Variants in DPP10 observed in about 807,000 individuals in gnomAD.
DPP10 encodes dipeptidyl peptidase like 10.
A neutral mutation model predicts 120.9 loss-of-function variants in DPP10; 33 were observed. The ratio of observed to expected loss-of-function variants is 0.27; its 90% confidence interval spans 0.21 to 0.37. The LOEUF (loss-of-function observed/expected upper bound fraction) is 0.37, where lower values mean the gene tolerates loss of function less well. Ranked by LOEUF, DPP10 falls within the 10% of genes least tolerant of loss-of-function variation. The probability of loss-of-function intolerance (pLI) is 1.00; values close to 1 mark genes in which losing one functional copy is unlikely to be tolerated. For missense variants in DPP10, 816 were observed against 942.8 expected (o/e 0.87, Z 1.76); for synonymous variants, 337 against 326.1 (o/e 1.03, Z -0.36).
intron 1 of DPP10, among the ~76,000 whole-genome samples, chr2:114,561,583 C>T (rs1019308920): frequency 1.3e-5 from 2 of 151,896 alleles, no homozygotes; most frequent in Admixed American, 6.6e-5. Flanking sequence ...TTAGAAAGAG[C>T]TTTGCGGTTT....
chr2:115,620,241 A>G (rs1868326), intron 5 of DPP10, among the ~76,000 whole-genome samples: 150,343 of 152,258 alleles, frequency 0.99, 74,259 homozygotes, highest in East Asian at 1. Context: ...TACACTTTTT[A>G]CACACACGCC....
intron 1 of DPP10, among the ~76,000 whole-genome samples, chr2:114,962,406 G>A (rs554888698): frequency 3.9e-5 from 6 of 152,124 alleles, no homozygotes; most frequent in African/African-American, 1.4e-4. Context: ...TCTCTCATGG[G>A]CATCGGGCAA....
intron 3 of DPP10, among the ~76,000 whole-genome samples, chr2:115,475,672 C>T (rs2075029958): frequency 6.6e-6 from 1 of 152,152 alleles, no homozygotes. Context: ...CAACGCCAGC[C>T]CATGAGAACA....
chr2:114,727,618 A>T (rs1263011107), intron 1 of DPP10, among the ~76,000 whole-genome samples: 2 of 152,080 alleles, frequency 1.3e-5, no homozygotes, highest in Non-Finnish European at 2.9e-5. Context: ...CTAATGGAGG[A>T]TTTCAATCAG....
intron 5 of DPP10, among the ~76,000 whole-genome samples, chr2:115,588,544 C>G (rs956288861): frequency 1.3e-5 from 2 of 152,158 alleles, no homozygotes; most frequent in Admixed American, 6.6e-5. Context: ...AGCTCAAATA[C>G]AGCAAGAGTC....
At chr2:114,493,624 C>T (rs941212281) in intron 1 of DPP10, among the ~76,000 whole-genome samples, 1 of 87,858 alleles carries the variant, frequency 1.1e-5, no homozygotes, top group East Asian at 4.0e-4. Flanking sequence ...TCAATAATTT[C>T]GACTTGGAAG....
intron 5 of DPP10, among the ~76,000 whole-genome samples, chr2:115,685,452 T>G (rs1254223269): frequency 6.6e-6 from 1 of 152,028 alleles, no homozygotes; most frequent in African/African-American, 2.4e-5. Flanking sequence ...TAATGTTTCT[T>G]GGCCTTGTTG....
chr2:115,638,780 C>T (rs564942054), intron 5 of DPP10, among the ~76,000 whole-genome samples: 2 of 152,218 alleles, frequency 1.3e-5, no homozygotes, highest in African/African-American at 4.8e-5. Flanking sequence ...GGATTTTGGT[C>T]AACAAAACAG....
chr2:115,116,402 T>A (rs904753830), intron 1 of DPP10, among the ~76,000 whole-genome samples: 2 of 152,190 alleles, frequency 1.3e-5, no homozygotes, highest in Non-Finnish European at 2.9e-5. Flanking sequence ...TCATCTATCA[T>A]CTTTATTTAT....
At chr2:115,163,982 C>T (rs574434307) in intron 1 of DPP10, among the ~76,000 whole-genome samples, 1 of 152,270 alleles carries the variant, frequency 6.6e-6, no homozygotes, top group African/African-American at 2.4e-5. Context: ...ATCCATTTTT[C>T]TTGTTAGTGT....
intron 1 of DPP10, among the ~76,000 whole-genome samples, chr2:114,476,509 A>C (rs1485304875): frequency 6.6e-6 from 1 of 152,210 alleles, no homozygotes; most frequent in African/African-American, 2.4e-5. Flanking sequence ...ACTAAGGCCC[A>C]AAAAAGAAAC....
At chr2:115,510,720 G>A (rs903757930) in intron 4 of DPP10, among the ~76,000 whole-genome samples, 1 of 152,120 alleles carries the variant, frequency 6.6e-6, no homozygotes, top group African/African-American at 2.4e-5. Flanking sequence ...TATTGCTTAT[G>A]TAGATCAATT....
intron 1 of DPP10, among the ~76,000 whole-genome samples, chr2:114,552,080 G>A: frequency 6.6e-6 from 1 of 152,182 alleles, no homozygotes; most frequent in East Asian, 1.9e-4. Context: ...TACCGGCAGA[G>A]ACAACATGGT....
chr2:114,655,813 C>CTA (rs1696926698), intron 1 of DPP10, among the ~76,000 whole-genome samples: 1 of 151,976 alleles, frequency 6.6e-6, no homozygotes, highest in Non-Finnish European at 1.5e-5. Flanking sequence ...CAGACACAAG[C>CTA]TATAGGTAAG....
At chr2:115,746,328 A>G in intron 10 of DPP10, 145 bp downstream of exon 10, 18 of 741,432 alleles carry the variant, frequency 2.4e-5, no homozygotes, top group Non-Finnish European at 3.8e-5. Flanking sequence ...TGAGGAATGA[A>G]GTCATTCTCG....
intron 1 of DPP10, among the ~76,000 whole-genome samples, chr2:114,955,090 T>C (rs764156758): frequency 1.1e-4 from 16 of 152,214 alleles, no homozygotes; most frequent in African/African-American, 1.4e-4. Context: ...AGTAAAGGAA[T>C]AACAGAATGG....
intron 3 of DPP10, among the ~76,000 whole-genome samples, chr2:115,457,080 C>T (rs2073614466): frequency 6.6e-6 from 1 of 151,742 alleles, no homozygotes; most frequent in Non-Finnish European, 1.5e-5. Flanking sequence ...AAATATAAAT[C>T]AGTGAAATAG....
chr2:114,503,530 T>C (rs1401968430), intron 1 of DPP10, among the ~76,000 whole-genome samples: 1 of 152,160 alleles, frequency 6.6e-6, no homozygotes, highest in Non-Finnish European at 1.5e-5. Context: ...AGTCAGTCAA[T>C]AGAATATACA....
At chr2:114,741,874 T>G (rs1262796609) in intron 1 of DPP10, among the ~76,000 whole-genome samples, 2 of 152,170 alleles carry the variant, frequency 1.3e-5, no homozygotes, top group African/African-American at 4.8e-5. Flanking sequence ...AACATGGCTA[T>G]GTAGATAACT....
Sources: gnomAD v4.1 joint callset for allele counts (sites outside exome capture counted in the v4.1 genomes callset) on GRCh38, gnomAD v4.1.1 for gene constraint, MANE v1.5 for transcripts, NCBI Gene and HGNC (gene_info 2026-07-23, HGNC 2026-07-21) for gene names.